Variants in CCDC12 observed in about 807,000 individuals in gnomAD.
CCDC12 encodes coiled-coil domain containing 12, also known as coiled-coil domain-containing protein 12.
CCDC12 carries 28 observed loss-of-function variants against 25.7 expected under a neutral mutation model. The ratio of observed to expected loss-of-function variants is 1.09; its 90% CI spans 0.81 to 1.50. The LOEUF is 1.50. Among genes scored for constraint, CCDC12 ranks in the 40% most tolerant of loss-of-function variants. The probability of loss-of-function intolerance (pLI) is 0.00; values close to 1 mark genes in which losing one functional copy is unlikely to be tolerated. For synonymous variants in CCDC12, 75 were observed against 87.7 expected, an observed-to-expected ratio of 0.86 and a Z score of 0.81; for missense variants, 198 against 210.0, an observed-to-expected ratio of 0.94 and a Z score of 0.35.
chr3:46,976,456 T>A, intron 1 of CCDC12, 181 bp downstream of exon 1: 1 of 1,415,790 alleles, frequency 7.1e-7, no homozygotes, highest in East Asian at 2.6e-5. Context: ...GCCAGAGGAG[T>A]CCCACGCCAA....
intron 1 of CCDC12, among the ~76,000 whole-genome samples, chr3:46,973,251 G>T (rs2034859685): frequency 6.6e-6 from 1 of 151,778 alleles, no homozygotes; most frequent in Admixed American, 6.6e-5. Context: ...TACTGGGGAG[G>T]CTAAGGCAGG....
chr3:46,947,365 C>T (rs1359561420), intron 1 of CCDC12, among the ~76,000 whole-genome samples: 3 of 152,212 alleles, frequency 2.0e-5, no homozygotes, highest in Non-Finnish European at 4.4e-5. Flanking sequence ...CCACTGCAGC[C>T]CCATGCCGGG....
At chr3:46,930,879 C>T (rs533529831) in intron 2 of CCDC12, among the ~76,000 whole-genome samples, 1 of 152,318 alleles carries the variant, frequency 6.6e-6, no homozygotes, top group Admixed American at 6.5e-5. Flanking sequence ...ACAGCAGGCC[C>T]CACTCCATGC....
At chr3:46,922,806 G>C (rs749239314) in intron 5 of CCDC12, 29 of 194,350 alleles carry the variant, frequency 1.5e-4, no homozygotes, top group Non-Finnish European at 2.5e-4. Flanking sequence ...ACTCGACCAA[G>C]AATCAGGCGA....
At chr3:46,964,606 A>G (rs2034584508) in intron 1 of CCDC12, among the ~76,000 whole-genome samples, 1 of 152,180 alleles carries the variant, frequency 6.6e-6, no homozygotes, top group Non-Finnish European at 1.5e-5. Context: ...GTTCTGTACT[A>G]AGAAAAATTC....
intron 1 of CCDC12, among the ~76,000 whole-genome samples, chr3:46,960,340 C>T (rs2034426294): frequency 6.6e-6 from 1 of 152,186 alleles, no homozygotes; most frequent in African/African-American, 2.4e-5. Context: ...ATGGAAGCTG[C>T]CTGAGTCATG....
At chr3:46,943,052 T>C (rs1359208073) in intron 1 of CCDC12, among the ~76,000 whole-genome samples, 1 of 151,896 alleles carries the variant, frequency 6.6e-6, no homozygotes, top group Non-Finnish European at 1.5e-5. Flanking sequence ...TCTTAAGCAA[T>C]GGAGAAACCG....
intron 1 of CCDC12, among the ~76,000 whole-genome samples, chr3:46,960,340 C>A (rs2034426294): frequency 6.6e-6 from 1 of 152,186 alleles, no homozygotes; most frequent in African/African-American, 2.4e-5. Flanking sequence ...ATGGAAGCTG[C>A]CTGAGTCATG....
rs148952908 is a variant in CCDC12, at chr3:46,922,094, T to A, written c.464A>T (p.Asp155Val). Residue 155 changes from aspartate (D) to valine (V), a missense_variant, in exon 7 of 7, where the codon GAT (aspartate) becomes GTT (valine). Transcript: ENST00000683445. ...GQEDSLASAV[D>V]AATEQKTCDS... Reference sequence around the variant, plus strand: ...ACAGGTCTTTTGTTCGGTGGCAGCATCCACTGCAGAGGCTAGGCTGTCTTC... The same window carrying A: ...ACAGGTCTTTTGTTCGGTGGCAGCAACCACTGCAGAGGCTAGGCTGTCTTC... The A allele has an allele frequency of 1.2e-6, 2 of 1,614,240 alleles. No individual in the cohort carries two copies. Among genetic ancestry groups the A allele is most frequent in the Non-Finnish European group, 8.5e-7 (1 of 1,180,034 alleles).
upstream of CCDC12, among the ~76,000 whole-genome samples, chr3:46,977,899 T>C (rs2035050263): frequency 6.6e-6 from 1 of 152,252 alleles, no homozygotes; most frequent in African/African-American, 2.4e-5. Flanking sequence ...CTTTCCTGCA[T>C]GAACTAGAGT....
rs541633096 is a variant in CCDC12 at position 46,922,266 on chromosome 3, G to C, written c.388C>G (p.Arg130Gly). Residue 130 changes from arginine (R) to glycine (G), a missense_variant, in exon 6 of 7, where the codon CGG becomes GGG. Coordinates refer to ENST00000683445, the MANE Select transcript of CCDC12 (RefSeq NM_001277074.2). The part of the protein sequence containing the change: ...VAKKLEKLKK[R>G]TQRAIAELIR... ...AGCTCGGCAATGGCCCTCTGAGTCCGCTTTTTTAGTTTCTCCAGCTTCTTG... is the reference window on the plus strand; with the variant it reads ...AGCTCGGCAATGGCCCTCTGAGTCCCCTTTTTTAGTTTCTCCAGCTTCTTG... 1 of 1,614,282 alleles carries C rather than the reference G, an allele frequency of 6.2e-7. No individual in the cohort carries two copies. The highest frequency in any genetic ancestry group is 1.7e-5 in the Admixed American group (1 of 60,036).
At chr3:46,976,448 CAG>C (rs2034994212) in intron 1 of CCDC12, 187 bp downstream of exon 1, 2 of 1,424,866 alleles carry the variant, frequency 1.4e-6, no homozygotes, top group Admixed American at 2.9e-5. Flanking sequence ...GCACCAGCGC[CAG>C]AGGAGTCCCA....
Position 46,951,814 on chromosome 3 carries a change from TATATATATAC to T in CCDC12, c.97-10759_97-10750del, listed in dbSNP as rs1413065900. Among the ~76,000 whole-genome samples the T allele has an allele frequency of 2.3e-3, 149 of 65,644 alleles. 4 individuals carry two copies. Among genetic ancestry groups the T allele is most frequent in the Non-Finnish European group, 2.9e-3 (103 of 35,318 alleles). 43.1% of individuals were successfully genotyped at this position (65,644 alleles called of 152,430 possible). On this transcript the variant is annotated intron_variant, in intron 1 of 6. Coordinates refer to ENST00000683445, the MANE Select transcript of CCDC12 (RefSeq NM_001277074.2). ...AAAAAAAAAAATATATATATATATATATATATATACTTAATGAGGATCAAATTAACAATGA... is the reference window on the plus strand; with the variant it reads ...AAAAAAAAAAATATATATATATATATTTAATGAGGATCAAATTAACAATGA...
intron 1 of CCDC12, among the ~76,000 whole-genome samples, chr3:46,969,447 G>C (rs1470571623): frequency 1.3e-5 from 2 of 152,140 alleles, no homozygotes; most frequent in Non-Finnish European, 2.9e-5. Context: ...TGCCCATGCT[G>C]GTCTTGAACT....
Position 46,966,673 on chromosome 3 carries a change from C to T in CCDC12, c.96+9964G>A, listed in dbSNP as rs183293604. 5.3e-5 allele frequency among the ~76,000 whole-genome samples: 8 copies of T among 152,158 alleles called. No individual in the cohort carries two copies. The East Asian group carries it at 5.8e-4, about 11-fold the overall frequency. Reference sequence around the variant, plus strand: ...CTATAAGGGCACTGCCTCAGACTGGCGCTACCCTCCTGAGAGGAGGGATGG... The same window carrying T: ...CTATAAGGGCACTGCCTCAGACTGGTGCTACCCTCCTGAGAGGAGGGATGG... On this transcript the variant is annotated intron_variant, in intron 1 of 6. Coordinates refer to ENST00000683445, the MANE Select transcript of CCDC12 (RefSeq NM_001277074.2).
chr3:46,946,549 A>T (rs1385048893), intron 1 of CCDC12, among the ~76,000 whole-genome samples: 2 of 152,276 alleles, frequency 1.3e-5, no homozygotes, highest in African/African-American at 4.8e-5. Flanking sequence ...TGGCTGGCCC[A>T]GCCTCACCTG....
chr3:46,937,214 C>T (rs1349529071), intron 2 of CCDC12, among the ~76,000 whole-genome samples: 11 of 152,180 alleles, frequency 7.2e-5, no homozygotes, highest in Non-Finnish European at 1.6e-4. Flanking sequence ...CATGCCTCCC[C>T]AACAAGAGGC....
intron 1 of CCDC12, among the ~76,000 whole-genome samples, chr3:46,946,926 C>A (rs1401969365): frequency 1.3e-5 from 2 of 152,190 alleles, no homozygotes; most frequent in Admixed American, 1.3e-4. Context: ...AGAGCTCTCC[C>A]TTCCAGAAGG....
chr3:46,976,254 G>C, intron 1 of CCDC12: 2 of 1,006,212 alleles, frequency 2.0e-6, no homozygotes, highest in Non-Finnish European at 2.4e-6. Flanking sequence ...ACTCAGAATC[G>C]AAGGCGGGGG....
Sources: allele counts gnomAD v4.1 joint callset (sites outside exome capture counted in the v4.1 genomes callset), GRCh38; gene constraint gnomAD v4.1.1; transcripts MANE v1.5; gene names NCBI Gene and HGNC (gene_info 2026-07-23, HGNC 2026-07-21).